Variants in BAHCC1 observed in about 807,000 individuals in gnomAD.
The protein encoded by BAHCC1 is BAH and coiled-coil domain-containing protein 1.
BAHCC1 carries 43 observed loss-of-function variants against 88.2 expected under a neutral mutation model. The ratio of observed to expected loss-of-function variants is 0.49; its 90% confidence interval spans 0.38 to 0.63. BAHCC1 has a LOEUF of 0.63. Among genes scored for constraint, BAHCC1 ranks in the 20% least tolerant of loss-of-function variants. The probability of loss-of-function intolerance (pLI) is 0.00; values close to 1 mark genes in which losing one functional copy is unlikely to be tolerated. For missense variants in BAHCC1, 3,023 were observed against 1,654.8 expected (o/e 1.83, Z -14.34); for synonymous variants, 1,510 against 745.5 (o/e 2.03, Z -16.71).
At chr17:81,431,458 G>A (rs1348035411) in intron 3 of BAHCC1, among the ~76,000 whole-genome samples, 3 of 152,248 alleles carry the variant, frequency 2.0e-5, no homozygotes, top group Non-Finnish European at 4.4e-5. Flanking sequence ...CTGGCAGAGG[G>A]CTGTATGGAG....
At chr17:81,427,557 G>GC (rs1249670206) in intron 3 of BAHCC1, among the ~76,000 whole-genome samples, 6 of 152,148 alleles carry the variant, frequency 3.9e-5, no homozygotes, top group Admixed American at 3.3e-4. Context: ...ACTCCTGGAG[G>GC]CCCCCCTGGC....
chr17:81,458,132 G>A (rs964778864), intron 17 of BAHCC1, 33 bp from the exon 18 acceptor site: 1 of 714,824 alleles, frequency 1.4e-6, no homozygotes, highest in Non-Finnish European at 2.6e-6. Flanking sequence ...CTAGGATGGG[G>A]ACCCCTGTGA....
chr17:81,405,939 C>A (rs552877980), intron 2 of BAHCC1, among the ~76,000 whole-genome samples: 1 of 152,214 alleles, frequency 6.6e-6, no homozygotes, highest in South Asian at 2.1e-4. Context: ...CTCAGAGGGG[C>A]CTGGTTGCCC....
intron 3 of BAHCC1, among the ~76,000 whole-genome samples, chr17:81,438,137 C>G (rs548506561): frequency 6.6e-6 from 1 of 152,256 alleles, no homozygotes; most frequent in Non-Finnish European, 1.5e-5. Flanking sequence ...CCGTCCTCCC[C>G]TCTCCCCAGC....
In BAHCC1 at chr17:81,445,185, C is replaced by CT. The variant is rs2064501347; in HGVS notation, c.2835+7_2835+8insT. On this transcript the variant is annotated splice_region_variant and intron_variant, in intron 9 of 27. Coordinates refer to ENST00000675386, the MANE Select transcript of BAHCC1 (RefSeq NM_001377448.1). ...GAGGGCCGCCCAGTTCCAGGTACCG[C>CT]CCCTAGCCACGCTCACCTGGGCCGG... 1 of 761,218 alleles carries CT rather than the reference C, an allele frequency of 1.3e-6. No homozygotes were observed. Among genetic ancestry groups the CT allele is most frequent in the African/African-American group, 1.7e-5 (1 of 58,754 alleles). 47.2% of individuals were successfully genotyped at this position (761,218 alleles called of 1,614,324 possible). A position where few individuals can be genotyped will look rare whatever the true frequency, so the allele number is the denominator to read the frequency against.
intron 6 of BAHCC1, 170 bp downstream of exon 6, chr17:81,444,087 G>T (rs2064476240): frequency 1.6e-6 from 1 of 608,140 alleles, no homozygotes; most frequent in African/African-American, 1.8e-5. Context: ...GTCTCACCCG[G>T]GGTTGGGGGT....
At chr17:81,457,387 G>A (rs782056195) in intron 16 of BAHCC1, 23 bp from the exon 17 acceptor site, 9 of 755,954 alleles carry the variant, frequency 1.2e-5, no homozygotes, top group Non-Finnish European at 2.2e-5. Flanking sequence ...CAAGTCATCA[G>A]GACCCCTCTG....
chr17:81,444,201 C>G, intron 6 of BAHCC1, 180 bp from the exon 7 acceptor site: 1 of 606,928 alleles, frequency 1.6e-6, no homozygotes, highest in Non-Finnish European at 2.9e-6. Context: ...GGGGTTTTCC[C>G]TGAGCCTCCA....
intron 2 of BAHCC1, among the ~76,000 whole-genome samples, chr17:81,420,867 C>T (rs1319873315): frequency 6.6e-6 from 1 of 152,270 alleles, no homozygotes; most frequent in Non-Finnish European, 1.5e-5. Context: ...GGCAGAGCGG[C>T]CCCAGGCAGG....
intron 2 of BAHCC1, chr17:81,402,762 G>C (rs1465496085): frequency 6.6e-6 from 1 of 152,270 alleles, no homozygotes; most frequent in East Asian, 1.9e-4. Flanking sequence ...GTTCCTGCTG[G>C]CTGCCGGGGC....
intron 2 of BAHCC1, chr17:81,402,525 T>A (rs2063830521): frequency 1.3e-5 from 2 of 152,248 alleles, no homozygotes; most frequent in Admixed American, 1.3e-4. Context: ...CTTCCCATTT[T>A]CCTGGATGGC....
At chr17:81,423,988 C>G (rs1481601159) in intron 2 of BAHCC1, among the ~76,000 whole-genome samples, 1 of 152,222 alleles carries the variant, frequency 6.6e-6, no homozygotes, top group Non-Finnish European at 1.5e-5. Context: ...TCCACCTGAC[C>G]CAGAGGTGAG....
At chr17:81,425,396 T>C (rs2064172219) in intron 2 of BAHCC1, among the ~76,000 whole-genome samples, 1 of 82,764 alleles carries the variant, frequency 1.2e-5, no homozygotes, top group Non-Finnish European at 2.2e-5. Context: ...TTGGTGGTGA[T>C]AGTGGTGGGT....
At chr17:81,460,738 G>C (rs781864358) in intron 25 of BAHCC1, 32 bp downstream of exon 25, 1 of 776,382 alleles carries the variant, frequency 1.3e-6, no homozygotes, top group Non-Finnish European at 2.4e-6. Flanking sequence ...AATCCGGATC[G>C]GGGAAGGCAC....
chr17:81,403,872 C>A (rs2063847849), intron 2 of BAHCC1, among the ~76,000 whole-genome samples: 1 of 152,224 alleles, frequency 6.6e-6, no homozygotes, highest in Non-Finnish European at 1.5e-5. Flanking sequence ...CGCCGAAGCC[C>A]TGTTTGGAAT....
chr17:81,430,084 G>C (rs1045178878), intron 3 of BAHCC1, among the ~76,000 whole-genome samples: 25 of 152,050 alleles, frequency 1.6e-4, no homozygotes, highest in South Asian at 4.2e-4. Flanking sequence ...GGGTGGGGGC[G>C]GGAGGCGGAA....
At chr17:81,445,209 G>A (rs782178327) in intron 9 of BAHCC1, 31 bp downstream of exon 9, 13 of 743,670 alleles carry the variant, frequency 1.7e-5, no homozygotes, top group South Asian at 2.9e-5. Flanking sequence ...CACCTGGGCC[G>A]GGCACTTCTC....
rs2291021 is a variant in BAHCC1 at position 81,465,403 on chromosome 17, G to A, written c.*1586G>A. ...GAGGGCTCTGCCCCAGTATCCCCAG[G>A]GAATTCACACCCCTCCCCTTCTCCC... On this transcript the variant is annotated 3_prime_UTR_variant, in exon 28 of 28. Coordinates refer to ENST00000675386, the MANE Select transcript of BAHCC1 (RefSeq NM_001377448.1). 85,503 of 152,094 alleles carry A rather than the reference G, an allele frequency of 0.56. 24,997 individuals are homozygous for A. The highest frequency in any genetic ancestry group is 0.63 in the Non-Finnish European group (42,605 of 68,000). 9.4% of individuals were successfully genotyped at this position (152,094 alleles called of 1,614,324 possible).
intron 2 of BAHCC1, among the ~76,000 whole-genome samples, chr17:81,422,567 T>C (rs1299330538): frequency 1.3e-5 from 2 of 152,092 alleles, no homozygotes; most frequent in African/African-American, 2.4e-5. Flanking sequence ...TTCCCCAGAC[T>C]GTGGGGCCGG....
Sources: gnomAD v4.1 joint callset for allele counts (sites outside exome capture counted in the v4.1 genomes callset) on GRCh38, gnomAD v4.1.1 for gene constraint, MANE v1.5 for transcripts, NCBI Gene and HGNC (gene_info 2026-07-23, HGNC 2026-07-21) for gene names.